The following SMAD6 variants were observed in gnomAD, a reference collection of about 807,000 sequenced individuals.
SMAD6 encodes the protein SMAD family member 6, also known as MAD homolog 6.
In SMAD6, 103 loss-of-function variants were observed where a neutral mutation model predicts 39.4. That is an observed-to-expected ratio of 2.62 (90% confidence interval 2.23 to 3.08). The LOEUF (loss-of-function observed/expected upper bound fraction) is 3.08, where lower values mean the gene tolerates loss of function less well. SMAD6 is among the 30% of genes most tolerant of loss of function. The probability of loss-of-function intolerance (pLI) is 0.00; values close to 1 mark genes in which losing one functional copy is unlikely to be tolerated. For missense variants in SMAD6, 1,104 were observed against 742.9 expected (o/e 1.49, Z -5.65); for synonymous variants, 445 against 353.3 (o/e 1.26, Z -2.91).
chr15:66,772,888 C>T (rs1388758904), intron 3 of SMAD6, among the ~76,000 whole-genome samples: 1 of 152,212 alleles, frequency 6.6e-6, no homozygotes, highest in African/African-American at 2.4e-5. Flanking sequence ...AGTCACTTCA[C>T]CTCTTTGAGC....
At chr15:66,739,153 C>T (rs956456261) in intron 3 of SMAD6, among the ~76,000 whole-genome samples, 1 of 148,544 alleles carries the variant, frequency 6.7e-6, no homozygotes, top group Non-Finnish European at 1.5e-5. Flanking sequence ...TGCAATAGTG[C>T]AGTCTCGGCT....
rs757027884 is a variant in SMAD6, at chr15:66,781,269, C to A, written c.1225C>A (p.Pro409Thr). 2 of 1,607,694 alleles carry A rather than the reference C, an allele frequency of 1.2e-6. No homozygotes were observed. The highest frequency in any genetic ancestry group is 1.7e-6 in the Non-Finnish European group (2 of 1,178,904). Residue 409 changes from proline to threonine, a missense_variant, in exon 4 of 4, where the codon CCC becomes ACC. Coordinates refer to ENST00000288840, the MANE Select transcript of SMAD6 (RefSeq NM_005585.5). ...GVWAYNRGEHPIFVNSPTLDA... is the reference protein window; with the variant it reads ...GVWAYNRGEHTIFVNSPTLDA... ...GTGGGCCTACAACCGCGGCGAGCAC[C>A]CCATCTTCGTCAACTCCCCGACGCT...
At chr15:66,730,004 A>G (rs1893598116) in intron 3 of SMAD6, among the ~76,000 whole-genome samples, 1 of 152,154 alleles carries the variant, frequency 6.6e-6, no homozygotes, top group Admixed American at 6.5e-5. Context: ...GGTCCATGGA[A>G]AAAGAAGGTG....
intron 3 of SMAD6, among the ~76,000 whole-genome samples, chr15:66,735,054 C>T (rs1428173204): frequency 2.0e-5 from 3 of 152,310 alleles, no homozygotes; most frequent in Middle Eastern, 3.4e-3. Context: ...ACGGCCAGCT[C>T]GGCCTTTTCA....
chr15:66,745,664 C>T (rs1002788724), intron 3 of SMAD6, among the ~76,000 whole-genome samples: 3 of 152,174 alleles, frequency 2.0e-5, no homozygotes, highest in Non-Finnish European at 4.4e-5. Flanking sequence ...GTGCAGGGTA[C>T]GTGGCACAGC....
chr15:66,731,926 G>GT (rs1388280197), intron 3 of SMAD6, among the ~76,000 whole-genome samples: 1 of 149,792 alleles, frequency 6.7e-6, no homozygotes, highest in East Asian at 2.0e-4. Flanking sequence ...ATCATAAGCG[G>GT]TAGTATCTCA....
chr15:66,726,701 G>T (rs2140619324), intron 3 of SMAD6, among the ~76,000 whole-genome samples: 1 of 152,260 alleles, frequency 6.6e-6, no homozygotes, highest in East Asian at 1.9e-4. Flanking sequence ...TCTGTTCCCT[G>T]TTTCTTGGTG....
rs970182894 is a variant in SMAD6, at chr15:66,716,297, C to T, written c.875-124C>T. ...GGTGACATCAGAAAGTTGGGAGGGA[C>T]ATGCTGCCCTTTGCAAGCACACACA... On this transcript the variant is annotated intron_variant, in intron 2 of 3. Transcript: ENST00000288840. 31 of 712,310 alleles carry T rather than the reference C, an allele frequency of 4.4e-5. No homozygotes were observed. The African/African-American group carries it at 5.0e-4, about 12-fold the overall frequency. 44.1% of individuals were successfully genotyped at this position (712,310 alleles called of 1,614,324 possible).
chr15:66,736,124 C>G (rs967137862), intron 3 of SMAD6, among the ~76,000 whole-genome samples: 2 of 151,948 alleles, frequency 1.3e-5, no homozygotes, highest in African/African-American at 4.8e-5. Context: ...TCTTCCATCT[C>G]GGTGATTTCA....
chr15:66,734,481 G>A (rs191536369), intron 3 of SMAD6, among the ~76,000 whole-genome samples: 10 of 152,324 alleles, frequency 6.6e-5, no homozygotes, highest in Admixed American at 2.6e-4. Flanking sequence ...CTTTTTAGTC[G>A]GAGAGGCCCT....
chr15:66,781,288 C>T lies in SMAD6; in HGVS notation c.1244C>T (p.Pro415Leu), dbSNP rs387907284. The T allele has an allele frequency of 1.1e-5, 18 of 1,604,572 alleles. No homozygotes were observed. The highest frequency in any genetic ancestry group is 1.4e-5 in the Non-Finnish European group (16 of 1,177,198). ...GAGCACCCCATCTTCGTCAACTCCCCGACGCTGGACGCGCCCGGCGGCCGC... is the reference window on the plus strand; with the variant it reads ...GAGCACCCCATCTTCGTCAACTCCCTGACGCTGGACGCGCCCGGCGGCCGC... ...RGEHPIFVNS[P>L]TLDAPGGRAL... Residue 415 changes from proline (P) to leucine (L), a missense_variant, in exon 4 of 4, where the codon CCG becomes CTG. Physicochemically the swap from Pro to Leu is moderately conservative, Grantham distance 98. Transcript: ENST00000288840.
chr15:66,731,306 C>T (rs1236796760), intron 3 of SMAD6, among the ~76,000 whole-genome samples: 2 of 150,832 alleles, frequency 1.3e-5, no homozygotes, highest in Admixed American at 6.6e-5. Context: ...GGCGTAGTGG[C>T]GGGCGCCTGT....
chr15:66,766,450 C>A (rs950308331), intron 3 of SMAD6, among the ~76,000 whole-genome samples: 4 of 152,032 alleles, frequency 2.6e-5, no homozygotes, highest in Non-Finnish European at 4.4e-5. Flanking sequence ...CCTCCCTGAG[C>A]CTTCATTTCC....
intron 1 of SMAD6, chr15:66,706,880 G>C (rs888526787): frequency 2.0e-5 from 3 of 152,310 alleles, no homozygotes. Flanking sequence ...TCCTCTTTGG[G>C]CTTCTTTTCC....
At chr15:66,737,143 C>T (rs1385398150) in intron 3 of SMAD6, among the ~76,000 whole-genome samples, 3 of 152,240 alleles carry the variant, frequency 2.0e-5, no homozygotes, top group Non-Finnish European at 4.4e-5. Flanking sequence ...TTTCAGCATC[C>T]TCCCCGGGTC....
At chr15:66,769,129 C>T (rs3934908) in intron 3 of SMAD6, among the ~76,000 whole-genome samples, 64,854 of 151,932 alleles carry the variant, frequency 0.43, 14,530 homozygotes, top group Admixed American at 0.54. Context: ...TGTTGTCAAG[C>T]CCTTCTCGAA....
chr15:66,766,258 G>C (rs886131458), intron 3 of SMAD6, among the ~76,000 whole-genome samples: 1 of 152,194 alleles, frequency 6.6e-6, no homozygotes, highest in African/African-American at 2.4e-5. Context: ...AGTCACAACC[G>C]TGGGAGATGT....
rs773549885 is a variant in SMAD6 at position 66,711,653 on chromosome 15, T to C, written c.818-15T>C. The C allele has an allele frequency of 3.1e-6, 5 of 1,610,372 alleles. No individual in the cohort carries two copies. The highest frequency in any genetic ancestry group is 4.2e-6 in the Non-Finnish European group (5 of 1,176,624). On this transcript the variant is annotated splice_polypyrimidine_tract_variant and intron_variant, in intron 1 of 3. Transcript: ENST00000288840. ...CCCCAACCCTGGCAGTGACATGCTG[T>C]CTCCTGTCTTCCAGAATCTCCGCCA...
At position 66,703,791 on chromosome 15, in the gene SMAD6, C is replaced by G. The variant is rs776347265; in HGVS notation, c.533C>G (p.Ser178Trp). ...LEQELKTVTY[S>W]LLKRLKERSL... ...CAGGAACTCAAAACCGTCACGTACT[C>G]GCTGCTGAAGCGGCTCAAGGAGCGC... is the stretch of plus-strand genomic sequence containing the variant. Residue 178 changes from serine (S) to tryptophan (W), a missense_variant, in exon 1 of 4, where the codon TCG becomes TGG. By Grantham distance (177) the Ser-to-Trp change is radical (BLOSUM62 -3). Transcript: ENST00000288840. 9 of 1,441,246 alleles carry G rather than the reference C, an allele frequency of 6.2e-6. No individual in the cohort carries two copies. The highest frequency in any genetic ancestry group is 7.4e-6 in the Non-Finnish European group (8 of 1,086,702). The allele number at this position is 1,441,246 out of a possible 1,614,324, so 89.3% of individuals were successfully genotyped here.
Sources: allele counts gnomAD v4.1 joint callset (sites outside exome capture counted in the v4.1 genomes callset), GRCh38; gene constraint gnomAD v4.1.1; transcripts MANE v1.5; gene names NCBI Gene and HGNC (gene_info 2026-07-23, HGNC 2026-07-21).